PCDHA5: variants seen among roughly 807,000 people sequenced by gnomAD.
PCDHA5 encodes the protein protocadherin alpha 5, also known as protocadherin alpha-5.
PCDHA5 carries 43 observed loss-of-function variants against 61.6 expected under a neutral mutation model. That is an observed-to-expected ratio of 0.70 (90% CI 0.55 to 0.90). The LOEUF is 0.90. Ranked by LOEUF, PCDHA5 falls within the 40% of genes least tolerant of loss-of-function variation. The probability of loss-of-function intolerance (pLI) is 0.00; values close to 1 mark genes in which losing one functional copy is unlikely to be tolerated. For missense variants in PCDHA5, 1,298 were observed against 1,222.7 expected, an observed-to-expected ratio of 1.06 and a Z score of -0.92; for synonymous variants, 627 against 543.9, an observed-to-expected ratio of 1.15 and a Z score of -2.13.
chr5:140,928,829 T>C, intron 1 of PCDHA5: 1 of 1,614,170 alleles, frequency 6.2e-7, no homozygotes, highest in Non-Finnish European at 8.5e-7. Context: ...GACCCACCAC[T>C]TTCCTCCTCT....
chr5:140,858,599 T>C (rs2045504873), intron 1 of PCDHA5: 1 of 1,295,538 alleles, frequency 7.7e-7, no homozygotes, highest in Non-Finnish European at 1.1e-6. Flanking sequence ...TCCAGGAGTT[T>C]TAAAATTTTT....
At position 140,924,894 on chromosome 5, in the gene PCDHA5, CA is replaced by C. The variant is rs782133089; in HGVS notation, c.2353-54044del. 4.9e-4 allele frequency among the ~76,000 whole-genome samples: 35 copies of C among 71,496 alleles called. 1 individual carries two copies. Among genetic ancestry groups the C allele is most frequent in the Admixed American group, 2.6e-3 (18 of 6,864 alleles). The allele number at this position is 71,496 out of a possible 152,430, so 46.9% of individuals were successfully genotyped here. On this transcript the variant is annotated intron_variant, in intron 1 of 3. Coordinates refer to ENST00000529859, the MANE Select transcript of PCDHA5 (RefSeq NM_018908.3). Reference sequence around the variant, plus strand: ...TGGGTGACAGAGCAAGAACCTGTCTCAAAAAAAAAAATAAAATAAAATAAAA... The same window carrying C: ...TGGGTGACAGAGCAAGAACCTGTCTCAAAAAAAAAATAAAATAAAATAAAA...
intron 1 of PCDHA5, among the ~76,000 whole-genome samples, chr5:140,918,282 C>CT (rs1554198523): frequency 6.6e-6 from 1 of 152,016 alleles, no homozygotes; most frequent in African/African-American, 2.4e-5. Context: ...GATGTAGGAG[C>CT]TTTTTGGCAG....
At chr5:140,853,944 G>C (rs2042918286) in intron 1 of PCDHA5, 1 of 814,184 alleles carries the variant, frequency 1.2e-6, no homozygotes, top group Non-Finnish European at 1.5e-6. Context: ...CAAGGTGGGA[G>C]GGTCCCTTCC....
intron 1 of PCDHA5, chr5:140,834,211 G>A (rs2150214176): frequency 0.54 from 341,638 of 630,816 alleles, 94,315 homozygotes; most frequent in African/African-American, 0.73. Flanking sequence ...AAATTCTTTC[G>A]TAATCAGCAA....
intron 1 of PCDHA5, chr5:140,966,970 G>A (rs1554228990): frequency 6.2e-7 from 1 of 1,602,870 alleles, no homozygotes; most frequent in Admixed American, 1.7e-5. Flanking sequence ...TGGGGCTTGA[G>A]CTGCGGCGCT....
intron 1 of PCDHA5, among the ~76,000 whole-genome samples, chr5:140,904,545 C>A (rs2071206893): frequency 6.6e-6 from 1 of 151,876 alleles, no homozygotes; most frequent in Admixed American, 6.6e-5. Context: ...GTATCTTTTT[C>A]ATATAATGAC....
chr5:140,910,519 G>A (rs187918127), intron 1 of PCDHA5, among the ~76,000 whole-genome samples: 18 of 152,218 alleles, frequency 1.2e-4, no homozygotes, highest in Non-Finnish European at 2.5e-4. Context: ...AAGGATGCAG[G>A]TACTCCCCTC....
At chr5:140,993,227 C>T (rs1464075096) in intron 3 of PCDHA5, among the ~76,000 whole-genome samples, 1 of 152,084 alleles carries the variant, frequency 6.6e-6, no homozygotes, top group African/African-American at 2.4e-5. Context: ...TTGGTATGTT[C>T]TCTCTGAATC....
At chr5:140,962,710 T>C (rs2095702479) in intron 1 of PCDHA5, among the ~76,000 whole-genome samples, 1 of 152,246 alleles carries the variant, frequency 6.6e-6, no homozygotes, top group South Asian at 2.1e-4. Context: ...ATAATCATAT[T>C]GGAAAGTATT....
intron 1 of PCDHA5, among the ~76,000 whole-genome samples, chr5:140,879,733 A>G (rs1213918807): frequency 6.6e-6 from 1 of 152,218 alleles, no homozygotes; most frequent in African/African-American, 2.4e-5. Flanking sequence ...GTCCAAAATC[A>G]AGGTGTTGTC....
At chr5:140,922,190 T>C (rs1486044845) in intron 1 of PCDHA5, among the ~76,000 whole-genome samples, 2 of 152,154 alleles carry the variant, frequency 1.3e-5, no homozygotes, top group African/African-American at 4.8e-5. Flanking sequence ...AAAAAAGTCT[T>C]ATCTTTAATG....
intron 1 of PCDHA5, chr5:140,841,825 A>C: frequency 6.2e-7 from 1 of 1,613,926 alleles, no homozygotes; most frequent in Non-Finnish European, 8.5e-7. Context: ...ACTCCGTGTT[A>C]ACCTACAGGC....
rs150956127 is a variant in PCDHA5 at position 140,830,448 on chromosome 5, C to T, written c.2352+6321C>T. The T allele has an allele frequency of 8.1e-3, 12,933 of 1,600,458 alleles. 78 individuals are homozygous for T. The highest frequency in any genetic ancestry group is 9.4e-3 in the Non-Finnish European group (10,993 of 1,171,708). The stretch of plus-strand genomic sequence containing the variant: ...CCTTGTCCTATTATGATGGGTAAGG[C>T]GGAGAATCAGGATTTAAATGAAGAT... On this transcript the variant is annotated intron_variant, in intron 1 of 3. Transcript: ENST00000529859.
chr5:140,838,756 G>A (rs1775869518), intron 1 of PCDHA5, among the ~76,000 whole-genome samples: 1 of 151,874 alleles, frequency 6.6e-6, no homozygotes, highest in Non-Finnish European at 1.5e-5. Context: ...TGCATCTTTT[G>A]TAGAGACTTT....
chr5:140,871,401 G>A (rs1400127439), intron 1 of PCDHA5: 4 of 1,614,086 alleles, frequency 2.5e-6, no homozygotes, highest in South Asian at 1.1e-5. Flanking sequence ...CACCTAAGAC[G>A]GACCTCATGG....
intron 1 of PCDHA5, among the ~76,000 whole-genome samples, chr5:140,931,965 CAT>C (rs1195736359): frequency 6.6e-6 from 1 of 151,852 alleles, no homozygotes; most frequent in African/African-American, 2.4e-5. Context: ...CATGTTGATG[CAT>C]ATGTGTTTAT....
chr5:140,830,029 G>C (rs781984096), intron 1 of PCDHA5: 2 of 1,613,792 alleles, frequency 1.2e-6, no homozygotes, highest in Non-Finnish European at 1.7e-6. Flanking sequence ...CGCGCCACCG[G>C]CTGCTGGTGC....
At chr5:140,935,850 G>A (rs2090589549) in intron 1 of PCDHA5, among the ~76,000 whole-genome samples, 1 of 149,422 alleles carries the variant, frequency 6.7e-6, no homozygotes, top group South Asian at 2.1e-4. Context: ...GCTTAATGGT[G>A]TCTTTTGATT....
Sources: gnomAD v4.1 joint callset for allele counts (sites outside exome capture counted in the v4.1 genomes callset) on GRCh38, gnomAD v4.1.1 for gene constraint, MANE v1.5 for transcripts, NCBI Gene and HGNC (gene_info 2026-07-23, HGNC 2026-07-21) for gene names.